BAZ2B: variants seen among roughly 807,000 people sequenced by gnomAD.
The protein encoded by BAZ2B is bromodomain adjacent to zinc finger domain protein 2B.
BAZ2B carries 91 observed loss-of-function variants against 246.0 expected under a neutral mutation model. The observed-to-expected ratio is 0.37, with a 90% CI of 0.31 to 0.44. The LOEUF (loss-of-function observed/expected upper bound fraction) is 0.44, where lower values mean the gene tolerates loss of function less well. BAZ2B is among the 20% of genes least tolerant of loss of function. The pLI, the probability that BAZ2B is intolerant of heterozygous loss-of-function variation, is 1.00. For synonymous variants in BAZ2B, 855 were observed against 860.0 expected (o/e 0.99, Z 0.10); for missense variants, 2,332 against 2,533.7 (o/e 0.92, Z 1.71).
chr2:159,571,485 G>A (rs1683997827), intron 1 of BAZ2B, among the ~76,000 whole-genome samples: 1 of 152,098 alleles, frequency 6.6e-6, no homozygotes, highest in African/African-American at 2.4e-5. Flanking sequence ...TTTATGGGGT[G>A]GGGAGAGCTA....
intron 14 of BAZ2B, among the ~76,000 whole-genome samples, chr2:159,409,954 G>A (rs1437277129): frequency 4.6e-5 from 7 of 152,014 alleles, no homozygotes; most frequent in Non-Finnish European, 7.4e-5. Flanking sequence ...ATAAACATTC[G>A]GTAAAAGTTG....
the BAZ2B span, among the ~76,000 whole-genome samples, chr2:159,666,020 A>G: frequency 6.6e-6 from 1 of 150,872 alleles, no homozygotes; most frequent in Non-Finnish European, 1.5e-5. Context: ...TCCTTTTATG[A>G]TGTACCTAGG....
chr2:159,339,416 C>T (rs1336340139), intron 31 of BAZ2B, among the ~76,000 whole-genome samples: 6 of 152,130 alleles, frequency 3.9e-5, no homozygotes, highest in Admixed American at 3.3e-4. Context: ...GAACCAAGCA[C>T]ACAGAAAACT....
chr2:159,451,752 A>G (rs1433900624), intron 4 of BAZ2B, among the ~76,000 whole-genome samples: 2 of 152,174 alleles, frequency 1.3e-5, no homozygotes, highest in African/African-American at 4.8e-5. Flanking sequence ...TGGGGGAGCT[A>G]TCAAATTTTT....
chr2:159,348,855 G>C (rs1418718969), intron 29 of BAZ2B, 22 bp from the exon 30 acceptor site: 3 of 1,577,232 alleles, frequency 1.9e-6, no homozygotes, highest in African/African-American at 1.4e-5. Flanking sequence ...TAAATAAGTA[G>C]AACTTTTACA....
chr2:159,429,277 T>C lies in BAZ2B; in HGVS notation c.2195-17A>G. 2.7e-6 allele frequency: 4 copies of C among 1,482,828 alleles called. No homozygotes were observed. Among genetic ancestry groups the C allele is most frequent in the East Asian group, 2.3e-5 (1 of 43,572 alleles). The allele number at this position is 1,482,828 out of a possible 1,614,324, so 91.9% of individuals were successfully genotyped here. ...TGGAAGTGCCTTTAAAAAAATTCAA[T>C]TGGTTAATATAAAACATTCATTAAT... On this transcript the variant is annotated splice_polypyrimidine_tract_variant and intron_variant, in intron 10 of 36. Transcript: ENST00000392783.
intron 14 of BAZ2B, among the ~76,000 whole-genome samples, chr2:159,406,321 C>A (rs938422110): frequency 7.9e-5 from 12 of 152,156 alleles, no homozygotes; most frequent in Non-Finnish European, 1.5e-4. Context: ...ACACAGGGAG[C>A]AGTTGACCCT....
At chr2:159,639,595 T>C in the BAZ2B span, among the ~76,000 whole-genome samples, 6 of 152,160 alleles carry the variant, frequency 3.9e-5, no homozygotes, top group Non-Finnish European at 1.5e-5. Flanking sequence ...TGTTTGTTTA[T>C]GCAAGCAGTG....
chr2:159,317,580 G>A (rs1275910725), downstream of BAZ2B, among the ~76,000 whole-genome samples: 1 of 152,110 alleles, frequency 6.6e-6, no homozygotes, highest in East Asian at 1.9e-4. Flanking sequence ...GTTATCCTTG[G>A]TTGGTCACCA....
At chr2:159,485,210 T>C (rs2079682397) in intron 2 of BAZ2B, among the ~76,000 whole-genome samples, 1 of 152,112 alleles carries the variant, frequency 6.6e-6, no homozygotes, top group African/African-American at 2.4e-5. Flanking sequence ...TTTGAACATA[T>C]AAAACTTCAA....
At chr2:159,499,522 C>T (rs1160632327) in intron 2 of BAZ2B, among the ~76,000 whole-genome samples, 1 of 152,090 alleles carries the variant, frequency 6.6e-6, no homozygotes. Flanking sequence ...GATTTATATT[C>T]CTATGGGTAT....
At chr2:159,374,078 T>A (rs1165621989) in intron 26 of BAZ2B, among the ~76,000 whole-genome samples, 1 of 12,022 alleles carries the variant, frequency 8.3e-5, no homozygotes, top group East Asian at 3.1e-3. Flanking sequence ...TTTTTTTTCT[T>A]TTTTTTTTTT....
At chr2:159,541,614 T>C (rs957998270) in intron 2 of BAZ2B, among the ~76,000 whole-genome samples, 1 of 152,154 alleles carries the variant, frequency 6.6e-6, no homozygotes, top group African/African-American at 2.4e-5. Flanking sequence ...GAAGTTCTCA[T>C]TATGGTCTAC....
intron 1 of BAZ2B, among the ~76,000 whole-genome samples, chr2:159,588,676 C>T (rs1259111325): frequency 1.3e-5 from 2 of 152,156 alleles, no homozygotes; most frequent in Admixed American, 6.5e-5. Flanking sequence ...TTATGACAAA[C>T]CAAAACATAC....
intron 3 of BAZ2B, among the ~76,000 whole-genome samples, chr2:159,454,917 A>T (rs1196412709): frequency 6.6e-6 from 1 of 152,138 alleles, no homozygotes; most frequent in African/African-American, 2.4e-5. Context: ...TAAAAACATG[A>T]CTTATTTTTC....
At chr2:159,659,564 A>G in the BAZ2B span, among the ~76,000 whole-genome samples, 1 of 152,206 alleles carries the variant, frequency 6.6e-6, no homozygotes, top group Admixed American at 6.5e-5. Flanking sequence ...TGGCAAAGAC[A>G]CAAATTTTTA....
At chr2:159,433,498 G>A (rs896337493) in intron 8 of BAZ2B, 135 bp from the exon 9 acceptor site, 9 of 784,324 alleles carry the variant, frequency 1.1e-5, no homozygotes, top group Middle Eastern at 3.8e-4. Flanking sequence ...TACAAATGCT[G>A]TAAAAGTAGC....
At chr2:159,551,618 T>G (rs1473032440) in intron 2 of BAZ2B, among the ~76,000 whole-genome samples, 3 of 151,238 alleles carry the variant, frequency 2.0e-5, no homozygotes, top group African/African-American at 7.3e-5. Context: ...ACTGCAAAAA[T>G]ACGCTCAGAG....
chr2:159,461,675 A>C (rs1453458031), intron 3 of BAZ2B: 2 of 152,676 alleles, frequency 1.3e-5, no homozygotes, highest in Non-Finnish European at 2.9e-5. Context: ...TAAATGGCTA[A>C]AACTCTTCTA....
Sources: gnomAD v4.1 joint callset for allele counts (sites outside exome capture counted in the v4.1 genomes callset) on GRCh38, gnomAD v4.1.1 for gene constraint, MANE v1.5 for transcripts, NCBI Gene and HGNC (gene_info 2026-07-23, HGNC 2026-07-21) for gene names.